The following PITPNM3 variants were observed in gnomAD, a reference collection of about 807,000 sequenced individuals.
PITPNM3 encodes the protein PITPNM family member 3, also known as membrane-associated phosphatidylinositol transfer protein 3.
A neutral mutation model predicts 102.0 loss-of-function variants in PITPNM3; 26 were observed. The ratio of observed to expected loss-of-function variants is 0.25; its 90% confidence interval spans 0.19 to 0.35. The LOEUF is 0.35. Ranked by LOEUF, PITPNM3 falls within the 10% of genes least tolerant of loss-of-function variation. The probability of loss-of-function intolerance (pLI) is 1.00; values close to 1 mark genes in which losing one functional copy is unlikely to be tolerated. For missense variants in PITPNM3, 1,083 were observed against 1,346.1 expected (o/e 0.80, Z 3.06); for synonymous variants, 578 against 558.6 (o/e 1.03, Z -0.49).
intron 1 of PITPNM3, among the ~76,000 whole-genome samples, chr17:6,538,414 T>C (rs1461434823): frequency 6.6e-6 from 1 of 152,142 alleles, no homozygotes; most frequent in Non-Finnish European, 1.5e-5. Flanking sequence ...TATTAACAAA[T>C]GAGCTCAGAC....
rs1910626592 is a variant in PITPNM3, at chr17:6,556,523, C to G, written c.-117G>C. ...GCGCCGCGCCCGCGCCCCCGCCCCG[C>G]TCGCCTCGGCTGCCGCCACCGCAGC... On this transcript the variant is annotated 5_prime_UTR_variant, in exon 1 of 20. Transcript: ENST00000262483. The surrounding 1 kb of genome is among the most constrained non-coding windows in gnomAD (Gnocchi z 5.2). 3.0e-6 allele frequency: 2 copies of G among 670,428 alleles called. No individual in the cohort carries two copies. The highest frequency in any genetic ancestry group is 3.7e-6 in the Non-Finnish European group (2 of 542,734). The allele number at this position is 670,428 out of a possible 1,614,324, so 41.5% of individuals were successfully genotyped here. A position where few individuals can be genotyped will look rare whatever the true frequency, so the allele number is the denominator to read the frequency against.
intron 15 of PITPNM3, 86 bp from the exon 16 acceptor site, chr17:6,464,404 T>A: frequency 7.2e-7 from 1 of 1,398,564 alleles, no homozygotes; most frequent in Non-Finnish European, 1.0e-6. Context: ...AACTCTGGGC[T>A]GAGGTCCCTG....
intron 1 of PITPNM3, among the ~76,000 whole-genome samples, chr17:6,553,289 T>G (rs11078637): frequency 0.51 from 76,851 of 151,948 alleles, 19,513 homozygotes; most frequent in Admixed American, 0.61. Context: ...AATGATGCCT[T>G]TCTGTGTAAC....
intron 14 of PITPNM3, among the ~76,000 whole-genome samples, chr17:6,465,755 T>C (rs73975552): frequency 0.014 from 2,126 of 152,296 alleles, 47 homozygotes; most frequent in African/African-American, 0.047. Flanking sequence ...TGAACTGGTT[T>C]CAGTTCATTC....
At position 6,478,017 on chromosome 17, in the gene PITPNM3, G is replaced by A. The variant is rs1417437743; in HGVS notation, c.858C>T (p.Ser286=). ...TCCCCTTCCGGCTGCTGCTGGCAGG[G>A]CTGTCCCCTGAGGGCCCCGCACTGT... The part of the protein sequence containing the change: ...ICYSAGPSGD[S]PASSSRKGSI... Residue 286 remains serine, a synonymous_variant, in exon 8 of 20, where the codon AGC becomes AGT. Coordinates refer to ENST00000262483, the MANE Select transcript of PITPNM3 (RefSeq NM_031220.4). This position sits in a 1 kb window ranked among gnomAD's most constrained non-coding sequence, Gnocchi z 4.4. The A allele has an allele frequency of 9.9e-6, 16 of 1,613,396 alleles. No homozygotes were observed. The highest frequency in any genetic ancestry group is 1.4e-5 in the Non-Finnish European group (16 of 1,180,044).
intron 4 of PITPNM3, among the ~76,000 whole-genome samples, chr17:6,493,841 C>T (rs1906641214): frequency 6.6e-6 from 1 of 152,234 alleles, no homozygotes; most frequent in Admixed American, 6.5e-5. Context: ...GTTAGATACC[C>T]CAAGTGAACA....
intron 2 of PITPNM3, among the ~76,000 whole-genome samples, chr17:6,532,272 T>C (rs1909188039): frequency 6.6e-6 from 1 of 152,114 alleles, no homozygotes; most frequent in African/African-American, 2.4e-5. Flanking sequence ...AGCCATCCAC[T>C]CTATCATGTC....
intron 1 of PITPNM3, among the ~76,000 whole-genome samples, chr17:6,540,560 C>G (rs558439636): frequency 6.6e-6 from 1 of 152,158 alleles, no homozygotes; most frequent in African/African-American, 2.4e-5. Context: ...TTTATTATTG[C>G]GGCTCTCTTT....
rs750929247 is a variant in PITPNM3, at chr17:6,451,873, A to ACCCCCCCCCC, written c.*3455_*3464dup. On this transcript the variant is annotated 3_prime_UTR_variant, in exon 20 of 20. Coordinates refer to ENST00000262483, the MANE Select transcript of PITPNM3 (RefSeq NM_031220.4). ...GGTTTCCAGGGCACTTGGCACCCAA[A>ACCCCCCCCCC]CCCCCCCCCCCCGCCCGCCGATGGG... 1 of 43,926 alleles carries ACCCCCCCCCC rather than the reference A, an allele frequency of 2.3e-5. No homozygotes were observed. Among genetic ancestry groups the ACCCCCCCCCC allele is most frequent in the Admixed American group, 2.8e-4 (1 of 3,626 alleles). The allele number at this position is 43,926 out of a possible 1,614,324, so 2.7% of individuals were successfully genotyped here.
At position 6,452,753 on chromosome 17, in the gene PITPNM3, T is replaced by A. The variant is rs1913901550; in HGVS notation, c.*2585A>T. 6.6e-6 allele frequency: 1 copy of A among 152,198 alleles called. No individual in the cohort carries two copies. The highest frequency in any genetic ancestry group is 1.5e-5 in the Non-Finnish European group (1 of 68,026). 9.4% of individuals were successfully genotyped at this position (152,198 alleles called of 1,614,324 possible). A position where few individuals can be genotyped will look rare whatever the true frequency, so the allele number is the denominator to read the frequency against. ...GTTCACAATATCTCACCGTACACCA[T>A]CAGCATCTTGTGTGTGCATCATCAG... is the stretch of plus-strand genomic sequence containing the variant. On this transcript the variant is annotated 3_prime_UTR_variant, in exon 20 of 20. Transcript: ENST00000262483.
intron 1 of PITPNM3, among the ~76,000 whole-genome samples, chr17:6,544,187 C>T (rs1426955791): frequency 6.6e-6 from 1 of 152,242 alleles, no homozygotes; most frequent in Non-Finnish European, 1.5e-5. Context: ...TCAGAAACTG[C>T]AGCCTGCCAA....
At chr17:6,525,496 G>T (rs1234503131) in intron 2 of PITPNM3, 33 bp from the exon 3 acceptor site, 2 of 1,522,192 alleles carry the variant, frequency 1.3e-6, no homozygotes, top group East Asian at 2.3e-5. Context: ...GCAGAAGCAG[G>T]TGCAGCTAGG....
At chr17:6,482,999 C>T (rs1431137193) in intron 6 of PITPNM3, among the ~76,000 whole-genome samples, 1 of 151,252 alleles carries the variant, frequency 6.6e-6, no homozygotes, top group Non-Finnish European at 1.5e-5. Context: ...GGCTGGAGTG[C>T]AGTGGTGCAA....
At chr17:6,486,776 A>G (rs945318950) in intron 4 of PITPNM3, among the ~76,000 whole-genome samples, 2 of 152,208 alleles carry the variant, frequency 1.3e-5, no homozygotes, top group African/African-American at 4.8e-5. Flanking sequence ...ACACAAGACA[A>G]CAGTAACAGC....
chr17:6,464,186 C>T lies in PITPNM3; in HGVS notation c.2140G>A (p.Val714Met). The change falls in exon 16 of 20, where the codon GTG (valine) becomes ATG (methionine). Residue 714 changes from valine (V) to methionine (M), a missense_variant. By Grantham distance (21) the Val-to-Met change is conservative. Around this residue, in one of 5 missense-constraint regions of PITPNM3, gnomAD observed 410 missense variants for 638.4 expected, o/e 0.64. Coordinates refer to ENST00000262483, the MANE Select transcript of PITPNM3 (RefSeq NM_031220.4). ...PRRLGVGVYP[V>M]KMVVRGDQTC... ...GGGTCTTACCTGACGACCATCTTCA[C>T]AGGATAGACACCAACCCCCAGGCGC... 1 of 1,614,218 alleles carries T rather than the reference C, an allele frequency of 6.2e-7. No homozygotes were observed.
chr17:6,468,118 G>T lies in PITPNM3; in HGVS notation c.1890+107C>A. On this transcript the variant is annotated intron_variant, in intron 14 of 19. Transcript: ENST00000262483. This position sits in a 1 kb window ranked among gnomAD's most constrained non-coding sequence, Gnocchi z 5.2. Reference sequence around the variant, plus strand: ...AGCCTGTTTGGGTGCTGAGCTCTGAGGACAAATTGAAGCGCTTACCTCCCA... The same window carrying T: ...AGCCTGTTTGGGTGCTGAGCTCTGATGACAAATTGAAGCGCTTACCTCCCA... The T allele has an allele frequency of 9.3e-7, 1 of 1,077,592 alleles. No individual in the cohort carries two copies. Among genetic ancestry groups the T allele is most frequent in the Non-Finnish European group, 1.4e-6 (1 of 706,118 alleles). 66.8% of individuals were successfully genotyped at this position (1,077,592 alleles called of 1,614,324 possible). A position where few individuals can be genotyped will look rare whatever the true frequency, so the allele number is the denominator to read the frequency against.
intron 4 of PITPNM3, among the ~76,000 whole-genome samples, chr17:6,494,643 G>C (rs1036174697): frequency 1.3e-5 from 2 of 152,112 alleles, no homozygotes; most frequent in Non-Finnish European, 2.9e-5. Flanking sequence ...CCACCTGTCA[G>C]ACTGGCAGTT....
intron 3 of PITPNM3, among the ~76,000 whole-genome samples, chr17:6,512,927 T>C (rs887439535): frequency 2.0e-5 from 3 of 152,098 alleles, no homozygotes; most frequent in African/African-American, 7.2e-5. Context: ...AAAAGAATAG[T>C]GAGATAACAA....
intron 6 of PITPNM3, among the ~76,000 whole-genome samples, chr17:6,483,014 G>A (rs1597375633): frequency 6.6e-6 from 1 of 151,336 alleles, no homozygotes; most frequent in South Asian, 2.1e-4. Context: ...GTGCAATCTC[G>A]GTTTACTGCA....
Sources: allele counts gnomAD v4.1 joint callset (sites outside exome capture counted in the v4.1 genomes callset), GRCh38; gene constraint gnomAD v4.1.1; regional missense constraint gnomAD v4.1.1; non-coding constraint Gnocchi (gnomAD v3.1); transcripts MANE v1.5; gene names NCBI Gene and HGNC (gene_info 2026-07-23, HGNC 2026-07-21).